Variants in COLEC10 observed in about 807,000 individuals in gnomAD.
The protein encoded by COLEC10 is collectin-10.
A neutral mutation model predicts 28.4 loss-of-function variants in COLEC10; 22 were observed. The ratio of observed to expected loss-of-function variants is 0.78; its 90% CI spans 0.55 to 1.11. COLEC10 has a LOEUF of 1.11. Among genes scored for constraint, COLEC10 ranks in the 50% least tolerant of loss-of-function variants. COLEC10 has a pLI of 0.00. For synonymous variants in COLEC10, 125 were observed against 116.1 expected, an observed-to-expected ratio of 1.08 and a Z score of -0.49; for missense variants, 361 against 344.1, an observed-to-expected ratio of 1.05 and a Z score of -0.39.
intron 1 of COLEC10, among the ~76,000 whole-genome samples, chr8:119,005,692 C>A (rs1474828420): frequency 6.6e-6 from 1 of 151,934 alleles, no homozygotes; most frequent in African/African-American, 2.4e-5. Flanking sequence ...TAAAACAGAC[C>A]TCTGTGATGG....
intron 3 of COLEC10, among the ~76,000 whole-genome samples, chr8:119,092,887 T>C (rs1815636904): frequency 1.3e-5 from 2 of 151,708 alleles, no homozygotes; most frequent in Admixed American, 1.3e-4. Context: ...GCTTGGGAGA[T>C]AGAGTGAGAT....
intron 1 of COLEC10, among the ~76,000 whole-genome samples, chr8:119,081,716 G>A (rs1159967285): frequency 6.6e-6 from 1 of 152,158 alleles, no homozygotes; most frequent in Non-Finnish European, 1.5e-5. Flanking sequence ...TTATCAGAAT[G>A]TCAGAAAATA....
At chr8:119,005,469 A>G (rs1813777701) in intron 1 of COLEC10, among the ~76,000 whole-genome samples, 1 of 152,044 alleles carries the variant, frequency 6.6e-6, no homozygotes, top group East Asian at 1.9e-4. Context: ...TCTCACTATC[A>G]CAAGTGGGCA....
chr8:119,014,536 A>G lies in COLEC10; in HGVS notation n.235+4983A>G, dbSNP rs377281514. Among the ~76,000 whole-genome samples, 5 of 150,276 alleles carry G rather than the reference A, an allele frequency of 3.3e-5. No homozygotes were observed. In the East Asian group the frequency reaches 9.7e-4, roughly 29 times the overall value. On this transcript the variant is annotated intron_variant and non_coding_transcript_variant, in intron 2 of 6. Transcript: ENST00000521788. ...CTGAAGTTTGAATACAACATCCTAGATGTAGTTTTTGTTTGTCTGCTTGAC... is the reference window on the plus strand; with the variant it reads ...CTGAAGTTTGAATACAACATCCTAGGTGTAGTTTTTGTTTGTCTGCTTGAC...
chr8:119,070,637 C>G (rs1815100484), intron 1 of COLEC10, among the ~76,000 whole-genome samples: 1 of 148,142 alleles, frequency 6.8e-6, no homozygotes, highest in Non-Finnish European at 1.5e-5. Flanking sequence ...CTTCCCCCAT[C>G]TTGGTGGTTT....
intron 2 of COLEC10, among the ~76,000 whole-genome samples, chr8:119,052,694 G>A (rs944915165): frequency 6.6e-6 from 1 of 152,082 alleles, no homozygotes; most frequent in Admixed American, 6.6e-5. Context: ...TGGTGATGTT[G>A]TTTCTGTGCC....
At chr8:118,989,965 T>C in the COLEC10 span, among the ~76,000 whole-genome samples, 1 of 152,146 alleles carries the variant, frequency 6.6e-6, no homozygotes, top group African/African-American at 2.4e-5. Flanking sequence ...GTTTTGGATT[T>C]TGGAGCATTT....
intron 3 of COLEC10, among the ~76,000 whole-genome samples, chr8:119,100,092 G>T (rs1298512139): frequency 6.6e-6 from 1 of 152,126 alleles, no homozygotes; most frequent in African/African-American, 2.4e-5. Context: ...AGTGCATAAT[G>T]TTTTTGATGG....
upstream of COLEC10, among the ~76,000 whole-genome samples, chr8:118,995,073 T>G (rs1399823949): frequency 6.6e-6 from 1 of 152,186 alleles, no homozygotes; most frequent in Non-Finnish European, 1.5e-5. Context: ...TTAGGTCACT[T>G]GAAAACCTTA....
intron 3 of COLEC10, among the ~76,000 whole-genome samples, chr8:119,099,249 T>C (rs1815776840): frequency 1.3e-5 from 2 of 151,954 alleles, no homozygotes; most frequent in Admixed American, 1.3e-4. Context: ...ATAATTTGTT[T>C]TGGGGAAATA....
intron 2 of COLEC10, among the ~76,000 whole-genome samples, chr8:119,019,941 TA>T (rs1814063638): frequency 6.6e-6 from 1 of 152,188 alleles, no homozygotes; most frequent in Non-Finnish European, 1.5e-5. Context: ...AGAAAAAAAG[TA>T]TACAAGTTTA....
intron 2 of COLEC10, among the ~76,000 whole-genome samples, chr8:119,011,552 T>A (rs1417452915): frequency 1.3e-5 from 2 of 150,870 alleles, no homozygotes; most frequent in African/African-American, 2.5e-5. Flanking sequence ...AATCCATAGA[T>A]CAAGTTAGAA....
At chr8:119,005,521 A>T (rs958451324) in intron 1 of COLEC10, among the ~76,000 whole-genome samples, 2 of 152,094 alleles carry the variant, frequency 1.3e-5, no homozygotes, top group Non-Finnish European at 1.5e-5. Context: ...GACGACCTTG[A>T]TGTGTGGGAG....
intron 1 of COLEC10, among the ~76,000 whole-genome samples, chr8:119,005,768 T>C (rs1174670815): frequency 6.6e-6 from 1 of 152,142 alleles, no homozygotes; most frequent in African/African-American, 2.4e-5. Context: ...GGAAATTTGG[T>C]GGTGATAATC....
chr8:118,963,860 C>G, the COLEC10 span, among the ~76,000 whole-genome samples: 1 of 152,074 alleles, frequency 6.6e-6, no homozygotes, highest in African/African-American at 2.4e-5. Flanking sequence ...ATACAGAGTG[C>G]CTACTATGTG....
intron 2 of COLEC10, among the ~76,000 whole-genome samples, chr8:119,034,170 C>G (rs1814344801): frequency 6.6e-6 from 1 of 152,012 alleles, no homozygotes; most frequent in Non-Finnish European, 1.5e-5. Flanking sequence ...CATGTTCTCA[C>G]TCATAAGTGG....
intron 2 of COLEC10, among the ~76,000 whole-genome samples, chr8:119,046,068 G>A (rs917460882): frequency 3.3e-5 from 5 of 152,156 alleles, no homozygotes; most frequent in East Asian, 1.9e-4. Context: ...CAGTGGCCTC[G>A]CTGTGGCTTA....
intron 1 of COLEC10, chr8:118,995,720 A>G (rs1394146299): frequency 1.3e-5 from 2 of 152,172 alleles, no homozygotes; most frequent in Non-Finnish European, 2.9e-5. Context: ...TATGAATCCT[A>G]GATGCTACTG....
At chr8:119,023,141 T>G (rs1269991487) in intron 2 of COLEC10, among the ~76,000 whole-genome samples, 1 of 152,170 alleles carries the variant, frequency 6.6e-6, no homozygotes, top group Non-Finnish European at 1.5e-5. Context: ...ACATTACACA[T>G]TGTCCGTCAC....
Sources: allele counts gnomAD v4.1 joint callset (sites outside exome capture counted in the v4.1 genomes callset), GRCh38; gene constraint gnomAD v4.1.1; transcripts MANE v1.5; gene names NCBI Gene and HGNC (gene_info 2026-07-23, HGNC 2026-07-21).